Variants in RANBP2 observed in about 807,000 individuals in gnomAD.
RANBP2 encodes E3 SUMO-protein ligase RanBP2.
Under a neutral mutation model 303.6 loss-of-function variants are expected in RANBP2, and 57 were observed. The ratio of observed to expected loss-of-function variants is 0.19; its 90% CI spans 0.15 to 0.23. The LOEUF (loss-of-function observed/expected upper bound fraction) is 0.23. Among genes scored for constraint, RANBP2 ranks in the 10% least tolerant of loss-of-function variants. RANBP2 has a pLI of 1.00. For synonymous variants in RANBP2, 1,167 were observed against 1,301.5 expected, an observed-to-expected ratio of 0.90 and a Z score of 2.23; for missense variants, 3,138 against 3,780.8, an observed-to-expected ratio of 0.83 and a Z score of 4.46.
At chr2:109,133,806 C>A in the RANBP2 span, among the ~76,000 whole-genome samples, 2 of 149,924 alleles carry the variant, frequency 1.3e-5, no homozygotes, top group Non-Finnish European at 1.5e-5. Flanking sequence ...ATTATGAGTA[C>A]AACTTGCATT....
chr2:108,963,250 G>A, the RANBP2 span, among the ~76,000 whole-genome samples: 7 of 152,108 alleles, frequency 4.6e-5, no homozygotes, highest in Non-Finnish European at 7.4e-5. Context: ...AACGTAAAAG[G>A]GCTACGTAAG....
the RANBP2 span, among the ~76,000 whole-genome samples, chr2:109,664,992 A>G: frequency 6.6e-6 from 1 of 152,076 alleles, no homozygotes; most frequent in Non-Finnish European, 1.5e-5. Flanking sequence ...CTCAATGCAT[A>G]CCTACACATA....
the RANBP2 span, among the ~76,000 whole-genome samples, chr2:109,498,270 A>G: frequency 2.1e-4 from 32 of 152,152 alleles, no homozygotes; most frequent in Non-Finnish European, 4.3e-4. Flanking sequence ...GTTGGCTGGT[A>G]TTCGGGACTG....
chr2:109,424,592 TATA>T, the RANBP2 span, among the ~76,000 whole-genome samples: 2 of 152,026 alleles, frequency 1.3e-5, no homozygotes, highest in African/African-American at 4.8e-5. Flanking sequence ...CGGTAATTCT[TATA>T]ATATTTCAAA....
At chr2:109,675,456 T>A in the RANBP2 span, among the ~76,000 whole-genome samples, 2 of 151,950 alleles carry the variant, frequency 1.3e-5, no homozygotes. Flanking sequence ...CTGAGGCAAG[T>A]GGATGGTCTG....
the RANBP2 span, among the ~76,000 whole-genome samples, chr2:109,222,872 A>G: frequency 1.3e-5 from 2 of 152,266 alleles, no homozygotes; most frequent in Non-Finnish European, 1.5e-5. Flanking sequence ...ACCACATGGC[A>G]TCCCCAAGGT....
At chr2:109,169,217 A>C in the RANBP2 span, among the ~76,000 whole-genome samples, 9 of 152,214 alleles carry the variant, frequency 5.9e-5, no homozygotes, top group Non-Finnish European at 7.3e-5. Context: ...CTATGGGACA[A>C]ACAGTGCTGG....
chr2:109,253,748 G>A, the RANBP2 span, among the ~76,000 whole-genome samples: 1 of 152,026 alleles, frequency 6.6e-6, no homozygotes, highest in African/African-American at 2.4e-5. Context: ...CAGGCCAAGT[G>A]GAGACCATGA....
At chr2:109,652,989 A>G in the RANBP2 span, among the ~76,000 whole-genome samples, 1 of 152,124 alleles carries the variant, frequency 6.6e-6, no homozygotes, top group African/African-American at 2.4e-5. Context: ...GGGAATTGAA[A>G]GAGAAATAAT....
chr2:108,809,428 C>T, the RANBP2 span, among the ~76,000 whole-genome samples: 2 of 148,624 alleles, frequency 1.3e-5, no homozygotes, highest in Non-Finnish European at 3.0e-5. Context: ...TTAATTGTTC[C>T]AGTCCATGAA....
chr2:109,710,898 G>C, the RANBP2 span, among the ~76,000 whole-genome samples: 1 of 152,074 alleles, frequency 6.6e-6, no homozygotes, highest in Non-Finnish European at 1.5e-5. Context: ...TTCATAATAG[G>C]AAGGGGATTC....
chr2:109,161,387 CT>C, the RANBP2 span, among the ~76,000 whole-genome samples: 2 of 152,060 alleles, frequency 1.3e-5, no homozygotes, highest in Non-Finnish European at 2.9e-5. Flanking sequence ...GAGGGGCAGC[CT>C]CCTGAGCCTT....
At chr2:108,811,908 A>G in the RANBP2 span, among the ~76,000 whole-genome samples, 2 of 152,180 alleles carry the variant, frequency 1.3e-5, no homozygotes, top group African/African-American at 4.8e-5. Context: ...CTTAGGATTA[A>G]TGACCTCCAG....
the RANBP2 span, among the ~76,000 whole-genome samples, chr2:108,808,414 C>T: frequency 2.0e-5 from 3 of 152,036 alleles, no homozygotes; most frequent in Non-Finnish European, 4.4e-5. Flanking sequence ...GTTGTGTTTT[C>T]GTTTTTTTGG....
chr2:109,007,923 G>T, the RANBP2 span, among the ~76,000 whole-genome samples: 2 of 152,168 alleles, frequency 1.3e-5, no homozygotes, highest in Non-Finnish European at 2.9e-5. Context: ...GGAGAACCAC[G>T]TTGGGGCCAG....
chr2:108,825,125 G>A, the RANBP2 span, among the ~76,000 whole-genome samples: 1 of 152,128 alleles, frequency 6.6e-6, no homozygotes, highest in African/African-American at 2.4e-5. Flanking sequence ...ATAGTTAACT[G>A]ACCTAGACTC....
At chr2:108,964,680 C>T in the RANBP2 span, among the ~76,000 whole-genome samples, 3 of 152,184 alleles carry the variant, frequency 2.0e-5, no homozygotes, top group South Asian at 2.1e-4. Context: ...GTGCTGAAGG[C>T]GTGTCCACAG....
At chr2:109,117,871 G>C in the RANBP2 span, among the ~76,000 whole-genome samples, 2 of 152,324 alleles carry the variant, frequency 1.3e-5, no homozygotes, top group East Asian at 3.9e-4. Context: ...TCATCAGAAA[G>C]TGGAGTCTAT....
intron 18 of RANBP2, 25 bp from the exon 19 acceptor site, chr2:108,762,072 TTTTC>T (rs1676770563): frequency 3.1e-6 from 5 of 1,596,434 alleles, no homozygotes; most frequent in African/African-American, 2.7e-5. Flanking sequence ...TTTAACAGTG[TTTTC>T]TTTATTTTCT....
Sources: gnomAD v4.1 joint callset for allele counts (sites outside exome capture counted in the v4.1 genomes callset) on GRCh38, gnomAD v4.1.1 for gene constraint, MANE v1.5 for transcripts, NCBI Gene and HGNC (gene_info 2026-07-23, HGNC 2026-07-21) for gene names.